The following CNGB1 variants were observed in gnomAD, a reference collection of about 807,000 sequenced individuals.
CNGB1 encodes the protein cyclic nucleotide gated channel subunit beta 1.
Under a neutral mutation model 151.7 loss-of-function variants are expected in CNGB1, and 126 were observed. The observed-to-expected ratio is 0.83, with a 90% CI of 0.72 to 0.96. The LOEUF is 0.96. CNGB1 is among the 40% of genes least tolerant of loss of function. The pLI, the probability that CNGB1 is intolerant of heterozygous loss-of-function variation, is 0.00. For synonymous variants in CNGB1, 623 were observed against 635.1 expected (o/e 0.98, Z 0.29); for missense variants, 1,698 against 1,627.0 (o/e 1.04, Z -0.75).
intron 31 of CNGB1, among the ~76,000 whole-genome samples, chr16:57,890,336 A>G (rs1960052877): frequency 6.6e-6 from 1 of 152,258 alleles, no homozygotes; most frequent in African/African-American, 2.4e-5. Flanking sequence ...ATAATTCACC[A>G]GACGCCTCTG....
intron 27 of CNGB1, 98 bp from the exon 28 acceptor site, chr16:57,901,723 C>G (rs1960398499): frequency 2.1e-6 from 2 of 930,618 alleles, no homozygotes; most frequent in South Asian, 2.7e-5. Flanking sequence ...CCAGGGCACA[C>G]CATTGCCCTG....
At chr16:57,909,814 G>C (rs1382481672) in intron 25 of CNGB1, among the ~76,000 whole-genome samples, 5 of 152,224 alleles carry the variant, frequency 3.3e-5, no homozygotes, top group Non-Finnish European at 7.3e-5. Context: ...GAGGCAGTTA[G>C]GACTCTGTGG....
intron 9 of CNGB1, 142 bp downstream of exon 9, chr16:57,960,340 C>T (rs918569764): frequency 1.9e-4 from 236 of 1,233,520 alleles, no homozygotes; most frequent in Non-Finnish European, 2.5e-4. Context: ...CCGCCAACAG[C>T]CTGCTCCAGG....
At chr16:57,907,209 C>T (rs1960577972) in intron 25 of CNGB1, among the ~76,000 whole-genome samples, 1 of 152,142 alleles carries the variant, frequency 6.6e-6, no homozygotes, top group African/African-American at 2.4e-5. Flanking sequence ...CCCTGCCCCA[C>T]CCCTGCCCTG....
chr16:57,960,366 GT>G (rs1253014994), intron 9 of CNGB1, 115 bp downstream of exon 9: 1 of 1,366,678 alleles, frequency 7.3e-7, no homozygotes, highest in Non-Finnish European at 1.0e-6. Context: ...CCTGAACCCC[GT>G]CCTAGTCTGG....
chr16:57,899,659 C>CAAAT (rs772116942), intron 29 of CNGB1, among the ~76,000 whole-genome samples: 1 of 149,508 alleles, frequency 6.7e-6, no homozygotes, highest in South Asian at 2.1e-4. Flanking sequence ...AACAAACAAA[C>CAAAT]AAATAAATAA....
chr16:57,909,136 C>T (rs1437117236), intron 25 of CNGB1, among the ~76,000 whole-genome samples: 7 of 152,096 alleles, frequency 4.6e-5, no homozygotes, highest in African/African-American at 1.4e-4. Flanking sequence ...GGTGCAGTGG[C>T]GTGTGCCTGT....
chr16:57,916,415 A>G (rs1331163558), intron 21 of CNGB1, among the ~76,000 whole-genome samples: 1 of 152,216 alleles, frequency 6.6e-6, no homozygotes, highest in Admixed American at 6.5e-5. Flanking sequence ...GAAAGCAAGG[A>G]CATTAAGCTT....
chr16:57,932,295 C>T lies in CNGB1; in HGVS notation c.1373-417G>A, dbSNP rs1164613480. Among the ~76,000 whole-genome samples, 4 of 152,186 alleles carry T rather than the reference C, an allele frequency of 2.6e-5. No individual in the cohort carries two copies. In the South Asian group the frequency reaches 8.3e-4, roughly 31 times the overall value. ...CTAGCACAGCCTGAGTCAGCTGCTT[C>T]CCCTCTCTGAGCTTCAGTTTCCCCA... On this transcript the variant is annotated intron_variant, in intron 16 of 32. Transcript: ENST00000251102.
Position 57,967,365 on chromosome 16 carries a change from T to C in CNGB1, c.-8-71A>G. 2.0e-6 allele frequency: 3 copies of C among 1,464,466 alleles called. No individual in the cohort carries two copies. The South Asian group carries it at 3.4e-5, about 17-fold the overall frequency. The allele number at this position is 1,464,466 out of a possible 1,614,324, so 90.7% of individuals were successfully genotyped here. ...GCTCCCGCCACTTATGGGCCACTCT[T>C]ATGAGTTGTACATTTCCTTTTCCTT... On this transcript the variant is annotated intron_variant, in intron 1 of 32. Coordinates refer to ENST00000251102, the MANE Select transcript of CNGB1 (RefSeq NM_001297.5).
chr16:57,935,491 C>T (rs1183984016), intron 16 of CNGB1, among the ~76,000 whole-genome samples: 4 of 152,060 alleles, frequency 2.6e-5, no homozygotes, highest in Admixed American at 2.6e-4. Flanking sequence ...ACCAGCCTGA[C>T]CAACATGGCA....
chr16:57,952,493 CTTTTTTTTTTTTTTT>C (rs10598722), intron 12 of CNGB1, among the ~76,000 whole-genome samples: 1 of 62,142 alleles, frequency 1.6e-5, no homozygotes, highest in South Asian at 9.4e-4. Flanking sequence ...CAAGCATTTC[CTTTTTTTTTTTTTTT>C]TTTTTTTTTT....
intron 31 of CNGB1, 146 bp from the exon 32 acceptor site, chr16:57,888,220 C>T (rs886721647): frequency 2.2e-5 from 18 of 800,030 alleles, no homozygotes; most frequent in Non-Finnish European, 2.7e-5. Flanking sequence ...GGCCAAGCGT[C>T]GTGTTAAGTA....
At position 57,949,335 on chromosome 16, in the gene CNGB1, G is replaced by T; in HGVS notation, c.1121+18C>A. On this transcript the variant is annotated intron_variant, in intron 14 of 32. Transcript: ENST00000251102. The stretch of plus-strand genomic sequence containing the variant: ...CCAGCCCCAGGGCCGTTCCCAGACA[G>T]GTGAGCAAATGACTTACTCAGTCAC... 6.2e-7 allele frequency: 1 copy of T among 1,607,186 alleles called. No individual in the cohort carries two copies.
intron 7 of CNGB1, 32 bp downstream of exon 7, chr16:57,962,533 G>A: frequency 1.2e-6 from 2 of 1,606,154 alleles, no homozygotes; most frequent in Non-Finnish European, 1.7e-6. Flanking sequence ...CACACATACA[G>A]ACAACAGTGA....
intron 31 of CNGB1, among the ~76,000 whole-genome samples, chr16:57,888,691 A>G (rs1402046342): frequency 2.6e-5 from 4 of 152,034 alleles, no homozygotes; most frequent in African/African-American, 7.3e-5. Flanking sequence ...GGCTCAAGCG[A>G]TCTACCCGCC....
chr16:57,947,776 C>A (rs1194396761), intron 14 of CNGB1, among the ~76,000 whole-genome samples: 1 of 152,166 alleles, frequency 6.6e-6, no homozygotes, highest in South Asian at 2.1e-4. Context: ...CACTGGGGGA[C>A]GAGAACATCA....
chr16:57,911,758 T>C lies in CNGB1; in HGVS notation c.2487A>G (p.Gly829=). The C allele has an allele frequency of 6.2e-7, 1 of 1,613,942 alleles. No homozygotes were observed. Among genetic ancestry groups the C allele is most frequent in the Non-Finnish European group, 8.5e-7 (1 of 1,179,882 alleles). The part of the protein sequence containing the change: ...GSTHWVYDGV[G]NSYIRCYYFA... ...GGGGGAGGACTGTGGCTCACCTGTT[T>C]CCCACGCCATCGTAAACCCAGTGAG... The change falls in exon 25 of 33, where the codon GGA becomes GGG. Residue 829 remains glycine, a synonymous_variant. Coordinates refer to ENST00000251102, the MANE Select transcript of CNGB1 (RefSeq NM_001297.5).
At chr16:57,965,877 C>T (rs1295752471) in intron 2 of CNGB1, among the ~76,000 whole-genome samples, 1 of 152,090 alleles carries the variant, frequency 6.6e-6, no homozygotes, top group East Asian at 1.9e-4. Context: ...TCATGTATAC[C>T]CATTGTGCAA....
Sources: allele counts gnomAD v4.1 joint callset (sites outside exome capture counted in the v4.1 genomes callset), GRCh38; gene constraint gnomAD v4.1.1; transcripts MANE v1.5; gene names NCBI Gene and HGNC (gene_info 2026-07-23, HGNC 2026-07-21).